DDTL: variants seen among roughly 807,000 people sequenced by gnomAD.
DDTL encodes putative D-dopachrome decarboxylase-like protein.
A neutral mutation model predicts 1.1 loss-of-function variants in DDTL; 1 was observed. The observed-to-expected ratio is 0.91, with a 90% confidence interval of 0.32 to 4.31. The LOEUF (loss-of-function observed/expected upper bound fraction) is 4.31. DDTL is among the 30% of genes most tolerant of loss of function. The pLI is 0.17. For synonymous variants in DDTL, 21 were observed against 16.6 expected, an observed-to-expected ratio of 1.26 and a Z score of -0.64; for missense variants, 54 against 48.9, an observed-to-expected ratio of 1.10 and a Z score of -0.31.
intron 2 of DDTL, chr22:23,969,751 C>G: frequency 2.0e-6 from 2 of 984,908 alleles, no homozygotes; most frequent in East Asian, 1.1e-4. Context: ...CCCAGGAGGT[C>G]GAGGCTGCAA....
rs993107649 is a variant in DDTL at position 23,969,440 on chromosome 22, C to T, written c.285-1846C>T. The T allele has an allele frequency of 1.9e-5, 19 of 986,390 alleles. No individual in the cohort carries two copies. In the African/African-American group the frequency reaches 3.3e-4, roughly 17 times the overall value. 61.1% of individuals were successfully genotyped at this position (986,390 alleles called of 1,614,324 possible). ...CTGACAGAGATGATGGAGTGTGCAG[C>T]ACACACGATGAGGCTACTGTGTTGA... On this transcript the variant is annotated intron_variant, in intron 2 of 2. Transcript: ENST00000215770.
In DDTL at chr22:23,972,062, G is replaced by A. The variant is rs1453250821; in HGVS notation, c.*656G>A. On this transcript the variant is annotated 3_prime_UTR_variant, in exon 3 of 3. Transcript: ENST00000215770. ...CATAAGTGAACATGCCCCTCTCAGA[G>A]GTAACAGCAAGTTTCCAGTGAGGAA... The A allele has an allele frequency of 3.6e-5, 21 of 588,472 alleles. No homozygotes were observed. The highest frequency in any genetic ancestry group is 4.5e-5 in the Non-Finnish European group (21 of 467,168). The allele number at this position is 588,472 out of a possible 1,614,324, so 36.5% of individuals were successfully genotyped here.
chr22:23,972,105 G>T lies in DDTL; in HGVS notation c.*699G>T. 1 of 928,638 alleles carries T rather than the reference G, an allele frequency of 1.1e-6. No individual in the cohort carries two copies. The highest frequency in any genetic ancestry group is 1.3e-6 in the Non-Finnish European group (1 of 778,266). 57.5% of individuals were successfully genotyped at this position (928,638 alleles called of 1,614,324 possible). A position where few individuals can be genotyped will look rare whatever the true frequency, so the allele number is the denominator to read the frequency against. ...GTGAGGAAAACCAGAACTTGGGACA[G>T]CCTGGTTGGGGCGGGCGGGAGTATG... On this transcript the variant is annotated 3_prime_UTR_variant, in exon 3 of 3. Transcript: ENST00000215770.
chr22:23,972,509 T>C lies in DDTL; in HGVS notation c.*1103T>C, dbSNP rs2033926880. 1 of 171,454 alleles carries C rather than the reference T, an allele frequency of 5.8e-6. No individual in the cohort carries two copies. Among genetic ancestry groups the C allele is most frequent in the Admixed American group, 5.4e-5 (1 of 18,418 alleles). 10.6% of individuals were successfully genotyped at this position (171,454 alleles called of 1,614,324 possible). On this transcript the variant is annotated 3_prime_UTR_variant, in exon 3 of 3. Transcript: ENST00000215770. ...AATGTACGTACTATGTAAATAGTTG[T>C]ATTGTTTAGGGAATAATGACAAGGA...
chr22:23,971,497 T>A lies in DDTL; in HGVS notation c.*91T>A, dbSNP rs556028562. ...TCCAGGCCCTCACTCTGCCAAGAGA[T>A]CTCTCTGGAAGAAGCAGCCAGTTCA... On this transcript the variant is annotated 3_prime_UTR_variant, in exon 3 of 3. Coordinates refer to ENST00000215770, the MANE Select transcript of DDTL (RefSeq NM_001084393.2). 1.8e-5 allele frequency: 29 copies of A among 1,609,914 alleles called. No individual in the cohort carries two copies. In the South Asian group the frequency reaches 2.5e-4, roughly 14 times the overall value.
chr22:23,971,855 A>C lies in DDTL; in HGVS notation c.*449A>C, dbSNP rs2033911093. On this transcript the variant is annotated 3_prime_UTR_variant, in exon 3 of 3. Transcript: ENST00000215770. ...CATGACCCAGCTAGGACAGACACACAATACAGTAGCCTCGGTGTGTGTGCC... is the reference window on the plus strand; with the variant it reads ...CATGACCCAGCTAGGACAGACACACCATACAGTAGCCTCGGTGTGTGTGCC... 1.8e-6 allele frequency: 1 copy of C among 546,878 alleles called. No individual in the cohort carries two copies. Among genetic ancestry groups the C allele is most frequent in the Admixed American group, 3.3e-5 (1 of 30,548 alleles). 33.9% of individuals were successfully genotyped at this position (546,878 alleles called of 1,614,324 possible).
At position 23,971,382 on chromosome 22, in the gene DDTL, A is replaced by C; in HGVS notation, c.381A>C (p.Glu127Asp). The C allele has an allele frequency of 6.2e-7, 1 of 1,613,872 alleles. No individual in the cohort carries two copies. The highest frequency in any genetic ancestry group is 8.5e-7 in the Non-Finnish European group (1 of 1,179,898). ...GTAAGAAGTCATGTTTGAATGAGGA[A>C]GCTCTCTTCATTTATTTCATATGAG... ...IEGKKSCLNE[E>D]ALFIYFI The change falls in exon 3 of 3, where the codon GAA (glutamate) becomes GAC (aspartate). Residue 127 changes from glutamate (E) to aspartate (D), a missense_variant. Glu to Asp is a conservative substitution (Grantham distance 45). Transcript: ENST00000215770.
chr22:23,971,190 A>G (rs928708470), intron 2 of DDTL, 96 bp from the exon 3 acceptor site: 5 of 1,509,502 alleles, frequency 3.3e-6, no homozygotes, highest in Non-Finnish European at 4.4e-6. Context: ...AGCTGCTCAC[A>G]CCTTCCCACA....
chr22:23,972,225 G>C lies in DDTL; in HGVS notation c.*819G>C, dbSNP rs1227466520. 2.1e-6 allele frequency: 2 copies of C among 946,654 alleles called. No homozygotes were observed. Among genetic ancestry groups the C allele is most frequent in the Admixed American group, 1.2e-4 (2 of 16,098 alleles). The allele number at this position is 946,654 out of a possible 1,614,324, so 58.6% of individuals were successfully genotyped here. On this transcript the variant is annotated 3_prime_UTR_variant, in exon 3 of 3. Transcript: ENST00000215770. ...GTCTGAGCAAAGGGAGAGTGGATAGGGATTGTAAGGATCAAATGGGATCAT... is the reference window on the plus strand; with the variant it reads ...GTCTGAGCAAAGGGAGAGTGGATAGCGATTGTAAGGATCAAATGGGATCAT...
At chr22:23,969,530 C>A in intron 2 of DDTL, 2 of 985,402 alleles carry the variant, frequency 2.0e-6, no homozygotes, top group Non-Finnish European at 2.4e-6. Context: ...GTCCCACTGC[C>A]CTGCTGGGGG....
chr22:23,971,203 C>T lies in DDTL; in HGVS notation c.285-83C>T, dbSNP rs937406116. On this transcript the variant is annotated intron_variant, in intron 2 of 2. Transcript: ENST00000215770. ...CCAGCTGCTCACACCTTCCCACAGG[C>T]CTGCAGATGGGTGTGGAGAGCAGAG... 2.0e-6 allele frequency: 3 copies of T among 1,521,790 alleles called. No individual in the cohort carries two copies. The African/African-American group carries it at 4.2e-5, about 21-fold the overall frequency. 94.3% of individuals were successfully genotyped at this position (1,521,790 alleles called of 1,614,324 possible).
At chr22:23,969,902 T>C (rs1483976687) in intron 2 of DDTL, 1 of 981,000 alleles carries the variant, frequency 1.0e-6, no homozygotes, top group African/African-American at 1.8e-5. Context: ...CCCAGTGCTG[T>C]GTAGGTGGCA....
At chr22:23,969,724 C>G (rs1003354064) in intron 2 of DDTL, 35 of 979,960 alleles carry the variant, frequency 3.6e-5, no homozygotes, top group Non-Finnish European at 4.1e-5. Flanking sequence ...GAGGCTGAGG[C>G]AGAAGGTTTG....
Position 23,971,789 on chromosome 22 carries a change from C to G in DDTL, c.*383C>G. On this transcript the variant is annotated 3_prime_UTR_variant, in exon 3 of 3. Transcript: ENST00000215770. The stretch of plus-strand genomic sequence containing the variant: ...AATAATGATTTTCCCCAACCCCCAG[C>G]AGGGCAGTGGGACACTCAGGTGTGG... 1.5e-6 allele frequency: 1 copy of G among 650,652 alleles called. No homozygotes were observed. 40.3% of individuals were successfully genotyped at this position (650,652 alleles called of 1,614,324 possible).
Position 23,972,110 on chromosome 22 carries a change from G to GC in DDTL, c.*704_*705insC, listed in dbSNP as rs1265812116. The GC allele has an allele frequency of 1.1e-5, 10 of 951,020 alleles. No homozygotes were observed. Among genetic ancestry groups the GC allele is most frequent in the Admixed American group, 6.1e-5 (1 of 16,490 alleles). The allele number at this position is 951,020 out of a possible 1,614,324, so 58.9% of individuals were successfully genotyped here. A position where few individuals can be genotyped will look rare whatever the true frequency, so the allele number is the denominator to read the frequency against. On this transcript the variant is annotated 3_prime_UTR_variant, in exon 3 of 3. Coordinates refer to ENST00000215770, the MANE Select transcript of DDTL (RefSeq NM_001084393.2). ...GAAAACCAGAACTTGGGACAGCCTG[G>GC]TTGGGGCGGGCGGGAGTATGAACAG...
Position 23,971,339 on chromosome 22 carries a change from C to T in DDTL, c.338C>T (p.Pro113Leu). ...GCTGCCCATGGTGGCCCCAGATGCC[C>T]AGGAGAGATAATAGAAGGTAAGAAG... ...SPAAHGGPRC[P>L]GEIIEGKKSC... The change falls in exon 3 of 3, where the codon CCA (proline) becomes CTA (leucine). Residue 113 changes from proline (P) to leucine (L), a missense_variant. Coordinates refer to ENST00000215770, the MANE Select transcript of DDTL (RefSeq NM_001084393.2). 1 of 1,614,124 alleles carries T rather than the reference C, an allele frequency of 6.2e-7. No homozygotes were observed. Among genetic ancestry groups the T allele is most frequent in the Non-Finnish European group, 8.5e-7 (1 of 1,180,004 alleles).
At chr22:23,970,826 C>T (rs1441759777) in intron 2 of DDTL, among the ~76,000 whole-genome samples, 1 of 152,044 alleles carries the variant, frequency 6.6e-6, no homozygotes, top group Admixed American at 6.5e-5. Flanking sequence ...GCCTGGGGAC[C>T]CCTGGGCTGG....
intron 2 of DDTL, chr22:23,969,276 G>T (rs1461915020): frequency 1.0e-6 from 1 of 985,536 alleles, no homozygotes; most frequent in African/African-American, 1.7e-5. Flanking sequence ...CTCTGAGAGG[G>T]GCATGTTGGC....
In DDTL at chr22:23,971,650, A is replaced by G. The variant is rs2146209735; in HGVS notation, c.*244A>G. The G allele has an allele frequency of 6.3e-7, 1 of 1,594,616 alleles. No individual in the cohort carries two copies. The highest frequency in any genetic ancestry group is 2.2e-5 in the East Asian group (1 of 44,828). On this transcript the variant is annotated 3_prime_UTR_variant, in exon 3 of 3. Coordinates refer to ENST00000215770, the MANE Select transcript of DDTL (RefSeq NM_001084393.2). ...TTCAGGAGACAGAGAAAAAGATATC[A>G]TCAGCTCCTTGGCTAATACCACATC...
Sources: allele counts gnomAD v4.1 joint callset (sites outside exome capture counted in the v4.1 genomes callset), GRCh38; gene constraint gnomAD v4.1.1; transcripts MANE v1.5; gene names NCBI Gene and HGNC (gene_info 2026-07-23, HGNC 2026-07-21).